Variants in TFAP2D observed in about 807,000 individuals in gnomAD.
The protein encoded by TFAP2D is transcription factor AP-2 delta, also known as transcription factor AP-2-delta.
TFAP2D carries 9 observed loss-of-function variants against 43.6 expected under a neutral mutation model. The observed-to-expected ratio is 0.21, with a 90% CI of 0.12 to 0.36. TFAP2D has a LOEUF of 0.36. TFAP2D is among the 10% of genes least tolerant of loss of function. The pLI is 1.00. For missense variants in TFAP2D, 513 were observed against 561.4 expected, an observed-to-expected ratio of 0.91 and a Z score of 0.87; for synonymous variants, 256 against 224.9, an observed-to-expected ratio of 1.14 and a Z score of -1.24.
chr6:50,726,129 C>T (rs1431116137), intron 3 of TFAP2D, among the ~76,000 whole-genome samples: 1 of 152,096 alleles, frequency 6.6e-6, no homozygotes, highest in African/African-American at 2.4e-5. Context: ...GACTCTGGGC[C>T]CAGGGAGTTA....
At chr6:50,736,738 A>G (rs1297003784) in intron 5 of TFAP2D, among the ~76,000 whole-genome samples, 1 of 152,110 alleles carries the variant, frequency 6.6e-6, no homozygotes, top group East Asian at 1.9e-4. Context: ...TTGGGTGTCC[A>G]TAAACTCCTG....
At chr6:50,733,187 C>T (rs1768917294) in intron 5 of TFAP2D, among the ~76,000 whole-genome samples, 1 of 151,998 alleles carries the variant, frequency 6.6e-6, no homozygotes, top group Non-Finnish European at 1.5e-5. Flanking sequence ...GTCTACATAA[C>T]ATAGATTGTT....
intron 5 of TFAP2D, among the ~76,000 whole-genome samples, chr6:50,735,357 A>G (rs1442539255): frequency 6.6e-6 from 1 of 152,128 alleles, no homozygotes; most frequent in Non-Finnish European, 1.5e-5. Flanking sequence ...CACGGATAGA[A>G]AAAGGGTTAC....
intron 6 of TFAP2D, among the ~76,000 whole-genome samples, chr6:50,748,637 G>A (rs541704186): frequency 1.2e-4 from 18 of 151,876 alleles, no homozygotes; most frequent in South Asian, 8.3e-4. Context: ...TTATTTAGGC[G>A]AAAGAATAGA....
intron 6 of TFAP2D, among the ~76,000 whole-genome samples, chr6:50,749,194 A>G (rs1020547377): frequency 3.3e-5 from 5 of 151,734 alleles, no homozygotes; most frequent in African/African-American, 1.2e-4. Flanking sequence ...ATAATATAAT[A>G]TTACTCCTGG....
At chr6:50,732,157 A>G (rs377116803) in intron 5 of TFAP2D, among the ~76,000 whole-genome samples, 1 of 152,204 alleles carries the variant, frequency 6.6e-6, no homozygotes, top group South Asian at 2.1e-4. Context: ...CAAAAACTAG[A>G]TTTTTAGTAT....
chr6:50,715,359 C>T lies in TFAP2D; in HGVS notation c.283C>T (p.Leu95Phe). 1.2e-6 allele frequency: 2 copies of T among 1,614,154 alleles called. No individual in the cohort carries two copies. Among genetic ancestry groups the T allele is most frequent in the Non-Finnish European group, 1.7e-6 (2 of 1,180,038 alleles). ...CCCCGACGCCTACTCTCTGAACTCT[C>T]TCCACCACTCGCAACAGTACTACCA... ...VTPDAYSLNSLHHSQQYYQQI... is the reference protein window; with the variant it reads ...VTPDAYSLNSFHHSQQYYQQI... The change falls in exon 2 of 8, where the codon CTC (leucine) becomes TTC (phenylalanine). Residue 95 changes from leucine to phenylalanine, a missense_variant. Leu to Phe is a conservative substitution (Grantham distance 22). Transcript: ENST00000008391.
Position 50,772,906 on chromosome 6 carries a change from A to C in TFAP2D, c.*42A>C, listed in dbSNP as rs535237326. 8 of 1,541,878 alleles carry C rather than the reference A, an allele frequency of 5.2e-6. No individual in the cohort carries two copies. The East Asian group carries it at 7.3e-5, about 14-fold the overall frequency. On this transcript the variant is annotated 3_prime_UTR_variant, in exon 8 of 8. Coordinates refer to ENST00000008391, the MANE Select transcript of TFAP2D (RefSeq NM_172238.4). Reference sequence around the variant, plus strand: ...CTATTTCCAGAGAGTCTTGCTGCTGATATTTTTTCTAATATATATATCATT... The same window carrying C: ...CTATTTCCAGAGAGTCTTGCTGCTGCTATTTTTTCTAATATATATATCATT...
At chr6:50,714,774 C>T (rs1434984715) in intron 1 of TFAP2D, among the ~76,000 whole-genome samples, 1 of 152,054 alleles carries the variant, frequency 6.6e-6, no homozygotes, top group Non-Finnish European at 1.5e-5. Flanking sequence ...GATCCCAACG[C>T]CAAGCTCCCT....
chr6:50,757,445 C>A (rs5016909), intron 7 of TFAP2D, among the ~76,000 whole-genome samples: 29,091 of 75,088 alleles, frequency 0.39, 6,343 homozygotes, highest in East Asian at 0.72. Context: ...AATATATATA[C>A]TTATTCTATA....
chr6:50,729,155 T>A (rs1282673436), intron 4 of TFAP2D, 39 bp from the exon 5 acceptor site: 1 of 1,609,526 alleles, frequency 6.2e-7, no homozygotes, highest in Non-Finnish European at 8.5e-7. Flanking sequence ...CATCAGAATG[T>A]GAAATTTCAA....
chr6:50,720,545 G>A (rs900802022), intron 3 of TFAP2D, among the ~76,000 whole-genome samples: 1 of 142,972 alleles, frequency 7.0e-6, no homozygotes, highest in African/African-American at 2.6e-5. Flanking sequence ...ACACATATAC[G>A]TGGTATAACT....
intron 7 of TFAP2D, 106 bp from the exon 8 acceptor site, chr6:50,772,539 T>G: frequency 1.0e-6 from 1 of 961,446 alleles, no homozygotes; most frequent in Admixed American, 2.1e-5. Context: ...AGGAACACAA[T>G]GAATACCTGT....
chr6:50,764,706 G>A (rs973690745), intron 7 of TFAP2D, among the ~76,000 whole-genome samples: 1 of 152,128 alleles, frequency 6.6e-6, no homozygotes, highest in Non-Finnish European at 1.5e-5. Context: ...CTAACTGCTG[G>A]CAGATAATGT....
intron 7 of TFAP2D, among the ~76,000 whole-genome samples, chr6:50,755,043 C>T (rs1310127838): frequency 6.6e-6 from 1 of 151,924 alleles, no homozygotes; most frequent in Non-Finnish European, 1.5e-5. Context: ...AAATACAATG[C>T]AGTAAAGCTT....
At chr6:50,719,633 G>A (rs9473902) in intron 3 of TFAP2D, among the ~76,000 whole-genome samples, 2,261 of 152,232 alleles carry the variant, frequency 0.015, 54 homozygotes, top group African/African-American at 0.051. Flanking sequence ...AGGCTTTTAG[G>A]GATTCTGTGA....
chr6:50,755,824 A>G (rs773231126), intron 7 of TFAP2D, among the ~76,000 whole-genome samples: 1 of 151,984 alleles, frequency 6.6e-6, no homozygotes, highest in Non-Finnish European at 1.5e-5. Context: ...TTCTACATTG[A>G]TGATTCTACT....
At chr6:50,762,059 G>C (rs1357784749) in intron 7 of TFAP2D, among the ~76,000 whole-genome samples, 2 of 152,026 alleles carry the variant, frequency 1.3e-5, no homozygotes, top group Non-Finnish European at 2.9e-5. Flanking sequence ...AAAATGGATT[G>C]TTGCTACCAC....
chr6:50,717,074 A>T (rs1768639617), intron 2 of TFAP2D, among the ~76,000 whole-genome samples: 1 of 152,308 alleles, frequency 6.6e-6, no homozygotes, highest in East Asian at 1.9e-4. Flanking sequence ...GAGGGAAAAA[A>T]ATCTGCCATT....
Sources: gnomAD v4.1 joint callset for allele counts (sites outside exome capture counted in the v4.1 genomes callset) on GRCh38, gnomAD v4.1.1 for gene constraint, MANE v1.5 for transcripts, NCBI Gene and HGNC (gene_info 2026-07-23, HGNC 2026-07-21) for gene names.